Variants in UBTD2 observed in about 807,000 individuals in gnomAD.
UBTD2 encodes the protein ubiquitin domain-containing protein 2.
UBTD2 carries 9 observed loss-of-function variants against 19.8 expected under a neutral mutation model. The ratio of observed to expected loss-of-function variants is 0.46; its 90% CI spans 0.27 to 0.79. The LOEUF (loss-of-function observed/expected upper bound fraction) is 0.79. UBTD2 is among the 30% of genes least tolerant of loss of function. The pLI is 0.14. For missense variants in UBTD2, 250 were observed against 300.4 expected, an observed-to-expected ratio of 0.83 and a Z score of 1.24; for synonymous variants, 98 against 103.9, an observed-to-expected ratio of 0.94 and a Z score of 0.35.
At chr5:172,223,617 A>AG (rs1771698112) in intron 2 of UBTD2, among the ~76,000 whole-genome samples, 1 of 129,282 alleles carries the variant, frequency 7.7e-6, no homozygotes. Flanking sequence ...AAAAAAAAAA[A>AG]GCACACTTAG....
intron 2 of UBTD2, among the ~76,000 whole-genome samples, chr5:172,215,618 C>T (rs1036177020): frequency 5.3e-5 from 8 of 152,094 alleles, no homozygotes; most frequent in Admixed American, 2.0e-4. Flanking sequence ...GACTCAGATA[C>T]GGCAGAAGTG....
At chr5:172,227,065 A>C (rs894416188) in intron 2 of UBTD2, among the ~76,000 whole-genome samples, 1 of 152,212 alleles carries the variant, frequency 6.6e-6, no homozygotes, top group Non-Finnish European at 1.5e-5. Context: ...GCACCTGAAC[A>C]CAGTGGTCTG....
At chr5:172,272,737 A>G (rs1301005425) in intron 1 of UBTD2, among the ~76,000 whole-genome samples, 2 of 152,198 alleles carry the variant, frequency 1.3e-5, no homozygotes, top group Non-Finnish European at 2.9e-5. Flanking sequence ...AGCTTTGCAT[A>G]TACAGTAATA....
chr5:172,281,336 A>C (rs1052322942), intron 1 of UBTD2, among the ~76,000 whole-genome samples: 1 of 151,888 alleles, frequency 6.6e-6, no homozygotes, highest in African/African-American at 2.4e-5. Flanking sequence ...CTCTACTAAA[A>C]ATTTTTTAAA....
chr5:172,211,129 G>A lies in UBTD2; in HGVS notation c.*701C>T, dbSNP rs1382844099. 1 of 152,110 alleles carries A rather than the reference G, an allele frequency of 6.6e-6. No homozygotes were observed. Among genetic ancestry groups the A allele is most frequent in the Non-Finnish European group, 1.5e-5 (1 of 68,028 alleles). 9.4% of individuals were successfully genotyped at this position (152,110 alleles called of 1,614,324 possible). A position where few individuals can be genotyped will look rare whatever the true frequency, so the allele number is the denominator to read the frequency against. The stretch of plus-strand genomic sequence containing the variant: ...ACCTGACTGTATTGATGAAATTATT[G>A]CCTAGTGTTCCAGAAGGGTGCCTGC... On this transcript the variant is annotated 3_prime_UTR_variant, in exon 3 of 3. Coordinates refer to ENST00000393792, the MANE Select transcript of UBTD2 (RefSeq NM_152277.3).
At chr5:172,271,224 A>T (rs1755482604) in intron 1 of UBTD2, among the ~76,000 whole-genome samples, 1 of 151,944 alleles carries the variant, frequency 6.6e-6, no homozygotes, top group African/African-American at 2.4e-5. Flanking sequence ...AGGTCAGGAG[A>T]TCAAGACCAT....
intron 1 of UBTD2, among the ~76,000 whole-genome samples, chr5:172,254,075 C>T (rs957610447): frequency 2.0e-5 from 3 of 152,038 alleles, no homozygotes; most frequent in African/African-American, 7.2e-5. Context: ...GGAGGCAGGA[C>T]ACAGAGGCAT....
At chr5:172,257,012 G>C (rs1236715536) in intron 1 of UBTD2, among the ~76,000 whole-genome samples, 1 of 152,092 alleles carries the variant, frequency 6.6e-6, no homozygotes, top group African/African-American at 2.4e-5. Context: ...TTTAGGTTCG[G>C]AGGTATATGT....
intron 2 of UBTD2, among the ~76,000 whole-genome samples, chr5:172,226,200 T>G (rs1459872099): frequency 6.6e-6 from 1 of 152,128 alleles, no homozygotes; most frequent in African/African-American, 2.4e-5. Context: ...CTAGAAAGAA[T>G]GAGAACACTT....
At chr5:172,239,776 C>T (rs961145972) in intron 1 of UBTD2, among the ~76,000 whole-genome samples, 1 of 151,838 alleles carries the variant, frequency 6.6e-6, no homozygotes, top group Admixed American at 6.6e-5. Context: ...TGGTGGCAGG[C>T]ACCTGGAATC....
chr5:172,233,893 G>A (rs1030687165), intron 2 of UBTD2, among the ~76,000 whole-genome samples: 1 of 151,798 alleles, frequency 6.6e-6, no homozygotes, highest in Non-Finnish European at 1.5e-5. Flanking sequence ...GTTCTTTTCT[G>A]AAATTAAGAT....
intron 1 of UBTD2, among the ~76,000 whole-genome samples, chr5:172,262,061 A>G (rs1338076979): frequency 6.6e-6 from 1 of 152,210 alleles, no homozygotes; most frequent in Non-Finnish European, 1.5e-5. Flanking sequence ...TTTCAGATCA[A>G]AATCAGAACT....
chr5:172,282,027 A>G (rs1315188167), intron 1 of UBTD2, among the ~76,000 whole-genome samples: 2 of 152,234 alleles, frequency 1.3e-5, no homozygotes, highest in Non-Finnish European at 2.9e-5. Flanking sequence ...CACACTACCA[A>G]AAGGCTTAAA....
chr5:172,254,549 G>C, intron 1 of UBTD2: 1 of 612,748 alleles, frequency 1.6e-6, no homozygotes, highest in East Asian at 3.4e-5. Context: ...TACATTTGTA[G>C]GGTTTTTCTG....
At chr5:172,229,792 T>C (rs1410742056) in intron 2 of UBTD2, among the ~76,000 whole-genome samples, 1 of 152,174 alleles carries the variant, frequency 6.6e-6, no homozygotes, top group Non-Finnish European at 1.5e-5. Flanking sequence ...AATAGTATAC[T>C]ATTCACTACG....
chr5:172,278,647 C>G (rs901271818), intron 1 of UBTD2, among the ~76,000 whole-genome samples: 6 of 152,054 alleles, frequency 3.9e-5, no homozygotes, highest in Non-Finnish European at 7.4e-5. Flanking sequence ...AAACCACAAA[C>G]AAAAGGGCAA....
At chr5:172,241,385 G>A (rs1338091769) in intron 1 of UBTD2, among the ~76,000 whole-genome samples, 2 of 149,632 alleles carry the variant, frequency 1.3e-5, no homozygotes, top group African/African-American at 4.9e-5. Context: ...CTCCAGCTTG[G>A]GTGACAAGAA....
chr5:172,243,252 T>G (rs1772166623), intron 1 of UBTD2, among the ~76,000 whole-genome samples: 1 of 151,932 alleles, frequency 6.6e-6, no homozygotes, highest in African/African-American at 2.4e-5. Flanking sequence ...GACCCTGATA[T>G]CACTTACCAA....
chr5:172,251,037 G>A (rs1451435950), intron 1 of UBTD2, among the ~76,000 whole-genome samples: 6 of 151,494 alleles, frequency 4.0e-5, no homozygotes, highest in African/African-American at 4.8e-5. Context: ...ACTAAAGGCC[G>A]GGCACGGTAG....
Sources: gnomAD v4.1 joint callset for allele counts (sites outside exome capture counted in the v4.1 genomes callset) on GRCh38, gnomAD v4.1.1 for gene constraint, MANE v1.5 for transcripts, NCBI Gene and HGNC (gene_info 2026-07-23, HGNC 2026-07-21) for gene names.